PRRG1: variants seen among roughly 807,000 people sequenced by gnomAD.
The protein encoded by PRRG1 is transmembrane gamma-carboxyglutamic acid protein 1.
In PRRG1, 5 loss-of-function variants were observed where a neutral mutation model predicts 11.8. The observed-to-expected ratio is 0.42, with a 90% CI of 0.22 to 0.89. The LOEUF (loss-of-function observed/expected upper bound fraction) is 0.89. Among genes scored for constraint, PRRG1 ranks in the 40% least tolerant of loss-of-function variants. PRRG1 has a pLI of 0.28. For synonymous variants in PRRG1, 66 were observed against 60.4 expected, an observed-to-expected ratio of 1.09 and a Z score of -0.43; for missense variants, 155 against 166.1, an observed-to-expected ratio of 0.93 and a Z score of 0.37.
intron 1 of PRRG1, among the ~76,000 whole-genome samples, chrX:37,371,138 A>G (rs1240742401): frequency 9.0e-6 from 1 of 111,681 alleles, no homozygotes; most frequent in Non-Finnish European, 1.9e-5. Context: ...CCACTCATGG[A>G]CTAGTTAGTC....
chrX:37,416,610 T>G (rs1932505220), intron 2 of PRRG1, among the ~76,000 whole-genome samples: 1 of 112,241 alleles, frequency 8.9e-6, no homozygotes, highest in African/African-American at 3.2e-5. Flanking sequence ...GGAGTTCTCC[T>G]GTTTTGGTGA....
chrX:37,424,533 T>C (rs1556387901), intron 2 of PRRG1, among the ~76,000 whole-genome samples: 1 of 111,193 alleles, frequency 9.0e-6, no homozygotes, highest in East Asian at 2.8e-4. Flanking sequence ...ACAATTTGTA[T>C]TTTTTAAAGT....
chrX:37,357,069 CTGCCCT>C (rs2146919399), intron 1 of PRRG1, among the ~76,000 whole-genome samples: 1 of 112,012 alleles, frequency 8.9e-6, no homozygotes, highest in African/African-American at 3.2e-5. Context: ...GCCTTTTCAA[CTGCCCT>C]TCCTTCCAGC....
chrX:37,377,600 A>C (rs1199278960), intron 1 of PRRG1, among the ~76,000 whole-genome samples: 2 of 111,731 alleles, frequency 1.8e-5, no homozygotes, highest in Non-Finnish European at 3.8e-5. Context: ...TTATGTCATT[A>C]TGGCAAATTA....
chrX:37,406,722 G>A (rs1222787795), intron 2 of PRRG1, among the ~76,000 whole-genome samples: 2 of 110,678 alleles, frequency 1.8e-5, no homozygotes, highest in East Asian at 2.8e-4. Flanking sequence ...TTTAAAGCCC[G>A]GCATTAAGAA....
chrX:37,436,307 GGATCTGA>G (rs1242463316), intron 3 of PRRG1, among the ~76,000 whole-genome samples: 1 of 112,024 alleles, frequency 8.9e-6, no homozygotes, highest in African/African-American at 3.2e-5. Flanking sequence ...TGATATCCAA[GGATCTGA>G]GATCTGAGTT....
intron 1 of PRRG1, among the ~76,000 whole-genome samples, chrX:37,405,660 T>C (rs782570531): frequency 9.0e-6 from 1 of 111,569 alleles, no homozygotes; most frequent in African/African-American, 3.3e-5. Context: ...CAGTAGTTTA[T>C]GATCATTGGT....
At chrX:37,350,022 G>A (rs1360270903) in intron 1 of PRRG1, among the ~76,000 whole-genome samples, 1 of 100,661 alleles carries the variant, frequency 9.9e-6, no homozygotes, top group African/African-American at 3.7e-5. Context: ...TGCGAGGTCG[G>A]TCGCGGTGCG....
chrX:37,455,785 T>C lies in PRRG1; in HGVS notation c.*2164T>C, dbSNP rs1295366500. The C allele has an allele frequency of 8.9e-6, 1 of 112,386 alleles. No homozygotes were observed. The highest frequency in any genetic ancestry group is 9.4e-5 in the Admixed American group (1 of 10,611). 9.3% of individuals were successfully genotyped at this position (112,386 alleles called of 1,213,427 possible). ...AGTGTTTGATCCAGTGAACTGTGTA[T>C]GTATGTGTGGGGTTTTTTTCTTTAT... is the stretch of plus-strand genomic sequence containing the variant. On this transcript the variant is annotated 3_prime_UTR_variant, in exon 4 of 4. Coordinates refer to ENST00000378628, the MANE Select transcript of PRRG1 (RefSeq NM_001142395.2).
intron 1 of PRRG1, among the ~76,000 whole-genome samples, chrX:37,398,322 C>T (rs1195855399): frequency 1.1e-4 from 12 of 111,884 alleles, no homozygotes; most frequent in East Asian, 5.6e-4. Context: ...TCGCGGTTCA[C>T]GAGAATCCGC....
At chrX:37,429,384 C>G (rs1932804172) in intron 3 of PRRG1, among the ~76,000 whole-genome samples, 1 of 111,645 alleles carries the variant, frequency 9.0e-6, no homozygotes, top group Non-Finnish European at 1.9e-5. Context: ...GCTTTGCTGC[C>G]TAGAAATTTC....
intron 3 of PRRG1, among the ~76,000 whole-genome samples, chrX:37,446,170 G>C (rs782141057): frequency 8.9e-6 from 1 of 112,254 alleles, no homozygotes; most frequent in East Asian, 2.8e-4. Context: ...AGATGATAAT[G>C]ATTTAATATA....
intron 1 of PRRG1, among the ~76,000 whole-genome samples, chrX:37,394,908 A>AG (rs1204026428): frequency 8.9e-6 from 1 of 111,950 alleles, no homozygotes; most frequent in Admixed American, 9.4e-5. Flanking sequence ...CTCTGTCTGA[A>AG]GTAGTAATAG....
At chrX:37,427,782 C>T (rs145207683) in intron 3 of PRRG1, among the ~76,000 whole-genome samples, 3,462 of 111,660 alleles carry the variant, frequency 0.031, 128 homozygotes, top group African/African-American at 0.11. Flanking sequence ...TCACAAATTA[C>T]AGGATTTCCT....
chrX:37,361,459 A>G (rs1425051417), intron 1 of PRRG1, among the ~76,000 whole-genome samples: 1 of 112,319 alleles, frequency 8.9e-6, no homozygotes, highest in Non-Finnish European at 1.9e-5. Context: ...AGCACTTGTT[A>G]TCTTCTTGAA....
chrX:37,438,811 A>G (rs1347598754), intron 3 of PRRG1, among the ~76,000 whole-genome samples: 2 of 111,760 alleles, frequency 1.8e-5, no homozygotes, highest in Non-Finnish European at 3.8e-5. Context: ...AAGTACAGCA[A>G]CCAACCACCA....
intron 1 of PRRG1, among the ~76,000 whole-genome samples, chrX:37,349,772 T>C (rs1438101900): frequency 9.0e-6 from 1 of 110,927 alleles, no homozygotes; most frequent in Non-Finnish European, 1.9e-5. Context: ...CATCCCTTCC[T>C]CCAGCGCTGC....
chrX:37,381,774 T>C (rs1442574137), intron 1 of PRRG1, among the ~76,000 whole-genome samples: 3 of 112,039 alleles, frequency 2.7e-5, no homozygotes, highest in Non-Finnish European at 3.8e-5. Context: ...TACAGAAATA[T>C]TAAATTTAAT....
At position 37,453,231 on chromosome X, in the gene PRRG1, T is replaced by G. The variant is rs782569417; in HGVS notation, c.267T>G (p.Phe89Leu). The G allele has an allele frequency of 8.3e-7, 1 of 1,210,959 alleles. No homozygotes were observed. The highest frequency in any genetic ancestry group is 1.7e-5 in the African/African-American group (1 of 57,744). ...TTTACCTTACCTTTCCGTTAATCTT[T>G]GGCCTCTTCATTATCCTCCTTGTCA... ...FQFYLTFPLIFGLFIILLVIF... is the reference protein window; with the variant it reads ...FQFYLTFPLILGLFIILLVIF... The change falls in exon 4 of 4, where the codon TTT becomes TTG. Residue 89 changes from phenylalanine to leucine, a missense_variant. Transcript: ENST00000378628.
Sources: allele counts gnomAD v4.1 joint callset (sites outside exome capture counted in the v4.1 genomes callset), GRCh38; gene constraint gnomAD v4.1.1; transcripts MANE v1.5; gene names NCBI Gene and HGNC (gene_info 2026-07-23, HGNC 2026-07-21).